SYN3: variants seen among roughly 807,000 people sequenced by gnomAD.
SYN3 encodes synapsin-3.
SYN3 carries 35 observed loss-of-function variants against 65.8 expected under a neutral mutation model. The observed-to-expected ratio is 0.53, with a 90% CI of 0.41 to 0.70. The LOEUF is 0.70. Among genes scored for constraint, SYN3 ranks in the 30% least tolerant of loss-of-function variants. The pLI is 0.00. For missense variants in SYN3, 680 were observed against 749.0 expected (o/e 0.91, Z 1.08); for synonymous variants, 270 against 292.9 (o/e 0.92, Z 0.80).
At chr22:32,970,530 C>T (rs1236675213) in intron 3 of SYN3, among the ~76,000 whole-genome samples, 1 of 138,594 alleles carries the variant, frequency 7.2e-6, no homozygotes, top group Non-Finnish European at 1.5e-5. Context: ...GCCTGGGCAA[C>T]AGAGCGAGAC....
At chr22:32,752,871 C>T (rs1271957886) in intron 6 of SYN3, among the ~76,000 whole-genome samples, 5 of 152,058 alleles carry the variant, frequency 3.3e-5, no homozygotes, top group African/African-American at 7.2e-5. Flanking sequence ...GCTTCTCTGG[C>T]GGAAGTGTGT....
chr22:32,561,487 C>A (rs2146353884), intron 7 of SYN3, among the ~76,000 whole-genome samples: 1 of 152,284 alleles, frequency 6.6e-6, no homozygotes, highest in African/African-American at 2.4e-5. Flanking sequence ...GAATTTGTCA[C>A]TCTGGAGGGA....
chr22:32,762,199 T>C (rs1212658823), intron 6 of SYN3, among the ~76,000 whole-genome samples: 1 of 152,014 alleles, frequency 6.6e-6, no homozygotes, highest in African/African-American at 2.4e-5. Context: ...ACATCCTTCC[T>C]CAGGGTTAAA....
At chr22:32,664,584 CTTTTTTTTTTTTTT>C (rs71320943) in intron 6 of SYN3, among the ~76,000 whole-genome samples, 2 of 69,052 alleles carry the variant, frequency 2.9e-5, no homozygotes, top group Admixed American at 1.6e-4. Flanking sequence ...CAATTGGTCG[CTTTTTTTTTTTTTT>C]TTTTTTTTTT....
At chr22:32,977,741 C>CA (rs35038035) in intron 3 of SYN3, among the ~76,000 whole-genome samples, 26,970 of 89,542 alleles carry the variant, frequency 0.3, 3,145 homozygotes, top group Middle Eastern at 0.38. Flanking sequence ...AGACTGTCTC[C>CA]AAAAAAAAAA....
chr22:32,844,467 TA>T (rs1019986863), intron 6 of SYN3, among the ~76,000 whole-genome samples: 2 of 152,182 alleles, frequency 1.3e-5, no homozygotes, highest in Non-Finnish European at 2.9e-5. Context: ...CTTGCTTTTG[TA>T]AGCTCTTACT....
chr22:33,013,716 T>C (rs999463625), intron 1 of SYN3, among the ~76,000 whole-genome samples: 2 of 152,148 alleles, frequency 1.3e-5, no homozygotes, highest in Non-Finnish European at 2.9e-5. Flanking sequence ...ACATGTCCGC[T>C]TTCCCCATTC....
At chr22:32,867,546 G>A (rs1381078154) in intron 5 of SYN3, among the ~76,000 whole-genome samples, 1 of 152,196 alleles carries the variant, frequency 6.6e-6, no homozygotes, top group Non-Finnish European at 1.5e-5. Flanking sequence ...AAAAAATAAA[G>A]CAGGGTAAGG....
intron 6 of SYN3, among the ~76,000 whole-genome samples, chr22:32,675,629 T>C (rs890828334): frequency 1.3e-5 from 2 of 151,988 alleles, no homozygotes; most frequent in Admixed American, 6.5e-5. Context: ...GAGAGATGAG[T>C]CACTGCTCTG....
intron 6 of SYN3, among the ~76,000 whole-genome samples, chr22:32,624,282 G>A (rs907656108): frequency 3.9e-5 from 6 of 152,140 alleles, no homozygotes; most frequent in African/African-American, 1.4e-4. Context: ...GGGCTTGCTG[G>A]GGAAGTCCCC....
chr22:32,817,770 T>C (rs181410496), intron 6 of SYN3, among the ~76,000 whole-genome samples: 12 of 152,290 alleles, frequency 7.9e-5, no homozygotes, highest in Admixed American at 1.3e-4. Flanking sequence ...TTGAAGGACA[T>C]TGTGGTGAGT....
chr22:32,715,509 G>A (rs994149249), intron 6 of SYN3, among the ~76,000 whole-genome samples: 5 of 152,126 alleles, frequency 3.3e-5, no homozygotes, highest in Non-Finnish European at 7.3e-5. Context: ...GGCTGGGCGC[G>A]GTGGCTCACG....
chr22:32,990,924 G>A (rs890451171), intron 2 of SYN3, among the ~76,000 whole-genome samples: 1 of 152,112 alleles, frequency 6.6e-6, no homozygotes, highest in African/African-American at 2.4e-5. Context: ...AGTGGCTCAC[G>A]CCTGTAATCC....
rs534628643 is a variant in SYN3 at position 32,642,288 on chromosome 22, T to A, written c.712-45552A>T. ...TTGGGTGACAGAGCAGGACTCCATT[T>A]AAAAAAAATAATAATAATAAAGAAG... On this transcript the variant is annotated intron_variant, in intron 6 of 13. Coordinates refer to ENST00000358763, the MANE Select transcript of SYN3 (RefSeq NM_003490.4). 3.3e-5 allele frequency among the ~76,000 whole-genome samples: 5 copies of A among 151,302 alleles called. No individual in the cohort carries two copies. In the East Asian group the frequency reaches 7.8e-4, roughly 24 times the overall value.
chr22:32,612,449 C>A (rs1310490726), intron 6 of SYN3, among the ~76,000 whole-genome samples: 1 of 152,140 alleles, frequency 6.6e-6, no homozygotes, highest in African/African-American at 2.4e-5. Flanking sequence ...CCACAGAGAA[C>A]TGGATAATCA....
intron 6 of SYN3, among the ~76,000 whole-genome samples, chr22:32,696,950 C>T (rs963278102): frequency 6.6e-6 from 1 of 152,128 alleles, no homozygotes; most frequent in Admixed American, 6.5e-5. Flanking sequence ...GCTGCCCAAC[C>T]GTTTAACAAT....
intron 6 of SYN3, among the ~76,000 whole-genome samples, chr22:32,637,630 C>CTTTTTTTTTTT (rs1185407986): frequency 7.5e-5 from 7 of 93,562 alleles, no homozygotes; most frequent in Non-Finnish European, 9.9e-5. Context: ...TTTTCTTTTT[C>CTTTTTTTTTTT]TTTTTTTTTT....
chr22:32,637,514 G>A (rs558372697), intron 6 of SYN3, among the ~76,000 whole-genome samples: 3 of 151,962 alleles, frequency 2.0e-5, no homozygotes, highest in African/African-American at 7.2e-5. Flanking sequence ...AGGGGCACAT[G>A]TGCAGCTTTG....
At chr22:32,893,142 A>G (rs919123184) in intron 4 of SYN3, among the ~76,000 whole-genome samples, 20 of 152,180 alleles carry the variant, frequency 1.3e-4, no homozygotes, top group African/African-American at 4.8e-4. Flanking sequence ...TTTTATGACC[A>G]GGGGCCCAAC....
Sources: gnomAD v4.1 joint callset for allele counts (sites outside exome capture counted in the v4.1 genomes callset) on GRCh38, gnomAD v4.1.1 for gene constraint, MANE v1.5 for transcripts, NCBI Gene and HGNC (gene_info 2026-07-23, HGNC 2026-07-21) for gene names.